The following KANK1 variants were observed in gnomAD, a reference collection of about 807,000 sequenced individuals.
KANK1 encodes the protein KN motif and ankyrin repeat domains 1, also known as KN motif and ankyrin repeat domain-containing protein 1.
Under a neutral mutation model 106.2 loss-of-function variants are expected in KANK1, and 109 were observed. That is an observed-to-expected ratio of 1.03 (90% CI 0.88 to 1.20). KANK1 has a LOEUF of 1.20. Among genes scored for constraint, KANK1 ranks in the 50% most tolerant of loss-of-function variants. KANK1 has a pLI of 0.00. For synonymous variants in KANK1, 873 were observed against 652.2 expected, an observed-to-expected ratio of 1.34 and a Z score of -5.16; for missense variants, 2,399 against 1,710.7, an observed-to-expected ratio of 1.40 and a Z score of -7.10.
Position 493,731 on chromosome 9 carries a change from G to A in KANK1, c.-362+20458G>A, listed in dbSNP as rs60136118. 9.5e-3 allele frequency among the ~76,000 whole-genome samples: 1,438 copies of A among 151,150 alleles called. 27 individuals carry two copies. The highest frequency in any genetic ancestry group is 0.033 in the African/African-American group (1,374 of 41,078). On this transcript the variant is annotated intron_variant, in intron 3 of 15. Coordinates refer to the KANK1 transcript ENST00000382303. ...CCTGGCTAATTTTTGTATTTTAGTA[G>A]AGACAGGGTTTCACCATGTCGGCCA... is the stretch of plus-strand genomic sequence containing the variant.
chr9:482,538 G>A (rs1428320707), intron 3 of KANK1, among the ~76,000 whole-genome samples: 2 of 152,134 alleles, frequency 1.3e-5, no homozygotes, highest in South Asian at 2.1e-4. Flanking sequence ...TGAGGCTCAG[G>A]GGTTAAATAA....
intron 1 of KANK1, among the ~76,000 whole-genome samples, chr9:559,164 C>T (rs1815703244): frequency 6.6e-6 from 1 of 152,052 alleles, no homozygotes; most frequent in South Asian, 2.1e-4. Flanking sequence ...AAAGATTTGT[C>T]ACCTTCTTGT....
chr9:555,580 G>A (rs901234920), intron 1 of KANK1, among the ~76,000 whole-genome samples: 4 of 152,164 alleles, frequency 2.6e-5, no homozygotes, highest in Non-Finnish European at 4.4e-5. Context: ...CCTTTGCTGC[G>A]TTTGTCTTCT....
chr9:478,593 C>T (rs1463765575), intron 3 of KANK1, among the ~76,000 whole-genome samples: 1 of 152,216 alleles, frequency 6.6e-6, no homozygotes, highest in African/African-American at 2.4e-5. Context: ...AGCCCACTTT[C>T]TCCTGCTCAC....
At chr9:571,610 G>C (rs2134854359) in intron 1 of KANK1, among the ~76,000 whole-genome samples, 1 of 151,876 alleles carries the variant, frequency 6.6e-6, no homozygotes, top group East Asian at 1.9e-4. Flanking sequence ...AGAAAAACGT[G>C]ACTAAGATAA....
At chr9:589,759 CT>C (rs1021656819) in intron 1 of KANK1, among the ~76,000 whole-genome samples, 48 of 152,258 alleles carry the variant, frequency 3.2e-4, no homozygotes, top group African/African-American at 1.1e-3. Context: ...GTATTTATTT[CT>C]GGAGAGTAAA....
rs138227186 is a variant in KANK1, at chr9:555,430, A to G, written c.-84+50676A>G. Among the ~76,000 whole-genome samples, 337 of 152,318 alleles carry G rather than the reference A, an allele frequency of 2.2e-3. 1 individual carries two copies. Among genetic ancestry groups the G allele is most frequent in the African/African-American group, 7.3e-3 (305 of 41,542 alleles). On this transcript the variant is annotated intron_variant, in intron 1 of 11. Transcript: ENST00000382297. Reference sequence around the variant, plus strand: ...AACTCTTCCACTCAGTCTGCTATGTATATGGCATAGTCACTATACTGCTAA... The same window carrying G: ...AACTCTTCCACTCAGTCTGCTATGTGTATGGCATAGTCACTATACTGCTAA...
chr9:570,623 T>C (rs1488623001), intron 1 of KANK1, among the ~76,000 whole-genome samples: 1 of 152,242 alleles, frequency 6.6e-6, no homozygotes, highest in Non-Finnish European at 1.5e-5. Flanking sequence ...AAACTGAGCA[T>C]TGGAGACTTA....
chr9:472,748 C>G (rs112894317), intron 2 of KANK1, among the ~76,000 whole-genome samples: 26 of 152,198 alleles, frequency 1.7e-4, no homozygotes, highest in African/African-American at 6.0e-4. Flanking sequence ...TAAAATTATT[C>G]CGAATTTTAA....
chr9:709,157 CGG>C (rs1825189305), intron 2 of KANK1, among the ~76,000 whole-genome samples: 1 of 152,180 alleles, frequency 6.6e-6, no homozygotes, highest in Admixed American at 6.5e-5. Flanking sequence ...GGAGTCAACA[CGG>C]AGAAAACTCT....
chr9:663,062 G>A (rs1843721976), intron 1 of KANK1, among the ~76,000 whole-genome samples: 1 of 152,166 alleles, frequency 6.6e-6, no homozygotes, highest in Admixed American at 6.5e-5. Flanking sequence ...GCACACACGA[G>A]CTTGTCATTA....
chr9:565,794 T>C (rs1190175021), intron 1 of KANK1, among the ~76,000 whole-genome samples: 1 of 152,204 alleles, frequency 6.6e-6, no homozygotes, highest in African/African-American at 2.4e-5. Context: ...TTTACCACAG[T>C]AATTGGGGAA....
At chr9:554,160 T>C (rs2061438778) in intron 1 of KANK1, among the ~76,000 whole-genome samples, 1 of 152,166 alleles carries the variant, frequency 6.6e-6, no homozygotes, top group African/African-American at 2.4e-5. Flanking sequence ...CCCCAAGAAG[T>C]CTCAAGATCT....
At chr9:595,445 C>T (rs1047114599) in intron 1 of KANK1, among the ~76,000 whole-genome samples, 2 of 151,908 alleles carry the variant, frequency 1.3e-5, no homozygotes, top group Non-Finnish European at 2.9e-5. Flanking sequence ...GAACAAGAAC[C>T]CGAGGAAAAG....
chr9:587,230 C>T (rs1588050954), intron 1 of KANK1, among the ~76,000 whole-genome samples: 1 of 152,088 alleles, frequency 6.6e-6, no homozygotes, highest in African/African-American at 2.4e-5. Context: ...AATCTGTTCC[C>T]TAGTCTTTTA....
chr9:493,921 T>G lies in KANK1; in HGVS notation c.-362+20648T>G, dbSNP rs891567496. 4.7e-5 allele frequency among the ~76,000 whole-genome samples: 7 copies of G among 149,992 alleles called. No homozygotes were observed. The East Asian group carries it at 1.4e-3, about 30-fold the overall frequency. On this transcript the variant is annotated intron_variant, in intron 3 of 15. Coordinates refer to the KANK1 transcript ENST00000382303. ...CTTTTGAGATGGAGTCTTGCTTTGT[T>G]GCCCAGGCTGGAGTGCAATGGTGCG...
upstream of KANK1, among the ~76,000 whole-genome samples, chr9:500,492 C>T (rs1311499334): frequency 5.3e-5 from 8 of 152,156 alleles, no homozygotes; most frequent in Admixed American, 2.0e-4. Context: ...TCTCTGCTGG[C>T]CCTATGCTGA....
intron 3 of KANK1, among the ~76,000 whole-genome samples, chr9:491,614 G>T (rs1284616617): frequency 6.6e-6 from 1 of 152,108 alleles, no homozygotes; most frequent in East Asian, 1.9e-4. Flanking sequence ...TCTCTGGGGA[G>T]GTGACATTTG....
chr9:638,412 C>G (rs1837633125), intron 1 of KANK1, among the ~76,000 whole-genome samples: 3 of 152,166 alleles, frequency 2.0e-5, no homozygotes, highest in Admixed American at 6.5e-5. Context: ...TCATCATCAT[C>G]TTGCCTTTCA....
Sources: allele counts gnomAD v4.1 joint callset (sites outside exome capture counted in the v4.1 genomes callset), GRCh38; gene constraint gnomAD v4.1.1; transcripts MANE v1.5; gene names NCBI Gene and HGNC (gene_info 2026-07-23, HGNC 2026-07-21).